The following HOXC13 variants were observed in gnomAD, a reference collection of about 807,000 sequenced individuals.
HOXC13 encodes homeobox protein Hox-C13.
In HOXC13, 10 loss-of-function variants were observed where a neutral mutation model predicts 25.9. That is an observed-to-expected ratio of 0.39 (90% CI 0.24 to 0.65). The LOEUF (loss-of-function observed/expected upper bound fraction) is 0.65. Ranked by LOEUF, HOXC13 falls within the 30% of genes least tolerant of loss-of-function variation. The probability of loss-of-function intolerance (pLI) is 0.50; values close to 1 mark genes in which losing one functional copy is unlikely to be tolerated. For synonymous variants in HOXC13, 233 were observed against 217.1 expected, an observed-to-expected ratio of 1.07 and a Z score of -0.64; for missense variants, 439 against 478.3, an observed-to-expected ratio of 0.92 and a Z score of 0.77.
chr12:53,938,989 TC>T lies in HOXC13; in HGVS notation c.84del (p.Ile28MetfsTer111). 1 of 1,505,412 alleles carries T rather than the reference TC, an allele frequency of 6.6e-7. No individual in the cohort carries two copies. The highest frequency in any genetic ancestry group is 8.8e-7 in the Non-Finnish European group (1 of 1,133,216). 93.3% of individuals were successfully genotyped at this position (1,505,412 alleles called of 1,614,324 possible). A position where few individuals can be genotyped will look rare whatever the true frequency, so the allele number is the denominator to read the frequency against. The part of the protein sequence containing the change: ...VYEDSAAESG[I>X]GGGGGGGGGG... The stretch of plus-strand genomic sequence containing the variant: ...GAGGACAGCGCGGCGGAGAGCGGCA[TC>T]GGCGGCGGCGGCGGAGGAGGAGGCG... On this transcript the variant is annotated frameshift_variant, in exon 1 of 2. Coordinates refer to ENST00000243056, the MANE Select transcript of HOXC13 (RefSeq NM_017410.3). LOFTEE classifies it high-confidence loss of function.
intron 1 of HOXC13, among the ~76,000 whole-genome samples, chr12:53,942,154 C>CTTTTTTTTTTTTTT (rs56678098): frequency 7.6e-5 from 3 of 39,338 alleles, no homozygotes; most frequent in African/African-American, 1.2e-4. Context: ...TGAGTGTAGA[C>CTTTTTTTTTTTTTT]TTTTTTTTTT....
rs1406878109 is a variant in HOXC13 at position 53,938,962 on chromosome 12, A to G, written c.56A>G (p.Tyr19Cys). 2 of 1,546,938 alleles carry G rather than the reference A, an allele frequency of 1.3e-6. No homozygotes were observed. The highest frequency in any genetic ancestry group is 1.7e-6 in the Non-Finnish European group (2 of 1,152,860). Residue 19 changes from tyrosine to cysteine, a missense_variant, in exon 1 of 2, where the codon TAT becomes TGT. Physicochemically the swap from Tyr to Cys is radical, Grantham distance 194. Transcript: ENST00000243056. Reference protein sequence around the residue: ...PRWPESLMYVYEDSAAESGIG... With the variant: ...PRWPESLMYVCEDSAAESGIG... The stretch of plus-strand genomic sequence containing the variant: ...TGGCCGGAGAGCCTTATGTACGTCT[A>G]TGAGGACAGCGCGGCGGAGAGCGGC...
chr12:53,943,113 A>G (rs1429185831), intron 1 of HOXC13, among the ~76,000 whole-genome samples: 6 of 152,236 alleles, frequency 3.9e-5, no homozygotes, highest in African/African-American at 9.6e-5. Context: ...AACTTACTGT[A>G]TCATTTTAAG....
chr12:53,940,758 AC>A (rs2136355874), intron 1 of HOXC13, among the ~76,000 whole-genome samples: 1 of 152,052 alleles, frequency 6.6e-6, no homozygotes, highest in Non-Finnish European at 1.5e-5. Context: ...CCCTTCTGAT[AC>A]CTACAGAGGT....
rs1352023952 is a variant in HOXC13 at position 53,938,966 on chromosome 12, G to A, written c.60G>A (p.Glu20=). Residue 20 remains glutamate (E), a synonymous_variant, in exon 1 of 2, where the codon GAG becomes GAA. Coordinates refer to ENST00000243056, the MANE Select transcript of HOXC13 (RefSeq NM_017410.3). ...RWPESLMYVY[E]DSAAESGIGG... ...CGGAGAGCCTTATGTACGTCTATGA[G>A]GACAGCGCGGCGGAGAGCGGCATCG... The A allele has an allele frequency of 6.5e-7, 1 of 1,537,668 alleles. No individual in the cohort carries two copies. Among genetic ancestry groups the A allele is most frequent in the South Asian group, 1.2e-5 (1 of 84,746 alleles).
At chr12:53,942,204 G>T in intron 1 of HOXC13, among the ~76,000 whole-genome samples, 1 of 122,446 alleles carries the variant, frequency 8.2e-6, no homozygotes, top group Non-Finnish European at 1.6e-5. Context: ...GAGAGAGAGA[G>T]AAGCAGAAAT....
chr12:53,940,554 G>C (rs1294504456), intron 1 of HOXC13, among the ~76,000 whole-genome samples: 1 of 152,168 alleles, frequency 6.6e-6, no homozygotes, highest in Admixed American at 6.5e-5. Context: ...CTCTTGTTCC[G>C]TCTCCAGTTG....
chr12:53,940,341 C>G (rs1938590034), intron 1 of HOXC13, among the ~76,000 whole-genome samples: 4 of 152,140 alleles, frequency 2.6e-5, no homozygotes, highest in Admixed American at 2.6e-4. Context: ...AACCTATAGA[C>G]ATTTCCACTG....
In HOXC13 at chr12:53,945,870, G is replaced by T; in HGVS notation, c.*614G>T. 1 of 233,484 alleles carries T rather than the reference G, an allele frequency of 4.3e-6. No homozygotes were observed. The highest frequency in any genetic ancestry group is 5.5e-5 in the Admixed American group (1 of 18,306). 14.5% of individuals were successfully genotyped at this position (233,484 alleles called of 1,614,324 possible). ...ATGTTTCCGTAAAAGCTGGAATTCC[G>T]TAAAAGCATTGACGCAGCCCCTACA... On this transcript the variant is annotated 3_prime_UTR_variant, in exon 2 of 2. Coordinates refer to ENST00000243056, the MANE Select transcript of HOXC13 (RefSeq NM_017410.3). The surrounding 1 kb of genome is among the most constrained non-coding windows in gnomAD (Gnocchi z 4.4).
chr12:53,945,381 C>A lies in HOXC13; in HGVS notation c.*125C>A. 2.5e-6 allele frequency: 3 copies of A among 1,198,798 alleles called. No individual in the cohort carries two copies. The highest frequency in any genetic ancestry group is 1.2e-6 in the Non-Finnish European group (1 of 854,176). The allele number at this position is 1,198,798 out of a possible 1,614,324, so 74.3% of individuals were successfully genotyped here. A position where few individuals can be genotyped will look rare whatever the true frequency, so the allele number is the denominator to read the frequency against. Reference sequence around the variant, plus strand: ...TTAAGGAAAGAGAAGAACCGCGCCGCCCGGAGGCAGAGAGGCTCCATGGCC... The same window carrying A: ...TTAAGGAAAGAGAAGAACCGCGCCGACCGGAGGCAGAGAGGCTCCATGGCC... On this transcript the variant is annotated 3_prime_UTR_variant, in exon 2 of 2. Coordinates refer to ENST00000243056, the MANE Select transcript of HOXC13 (RefSeq NM_017410.3). The surrounding 1 kb of genome is among the most constrained non-coding windows in gnomAD (Gnocchi z 4.4).
chr12:53,942,555 G>A (rs780762517), intron 1 of HOXC13, among the ~76,000 whole-genome samples: 6 of 152,090 alleles, frequency 3.9e-5, no homozygotes, highest in African/African-American at 9.7e-5. Flanking sequence ...GAAGTCATTC[G>A]TGTATGTGAT....
Position 53,939,159 on chromosome 12 carries a change from C to A in HOXC13, c.253C>A (p.Leu85Met). The stretch of plus-strand genomic sequence containing the variant: ...CGTGCTGGGCCGCCCGCCGGCTCCC[C>A]TGGGCGCCCCTCAGGGCGCCGTCTA... ...HPVLGRPPAP[L>M]GAPQGAVYTD... The change falls in exon 1 of 2, where the codon CTG becomes ATG. Residue 85 changes from leucine to methionine, a missense_variant. Leu to Met is a conservative substitution (Grantham distance 15). Coordinates refer to ENST00000243056, the MANE Select transcript of HOXC13 (RefSeq NM_017410.3). The surrounding 1 kb of genome is among the most constrained non-coding windows in gnomAD (Gnocchi z 6.7). The A allele has an allele frequency of 6.7e-7, 1 of 1,483,344 alleles. No individual in the cohort carries two copies. The allele number at this position is 1,483,344 out of a possible 1,614,324, so 91.9% of individuals were successfully genotyped here.
rs747370796 is a variant in HOXC13, at chr12:53,945,100, C to T, written c.837C>T (p.Tyr279=). The part of the protein sequence containing the change: ...KVQLKELEKE[Y]AASKFITKEK... ...AGCTGAAGGAGCTAGAGAAGGAATA[C>T]GCGGCTAGCAAGTTCATCACCAAAG... Residue 279 remains tyrosine, a synonymous_variant, in exon 2 of 2, where the codon TAC becomes TAT. Coordinates refer to ENST00000243056, the MANE Select transcript of HOXC13 (RefSeq NM_017410.3). This position sits in a 1 kb window ranked among gnomAD's most constrained non-coding sequence, Gnocchi z 4.4. The T allele has an allele frequency of 4.3e-6, 7 of 1,614,154 alleles. No homozygotes were observed. The Admixed American group carries it at 6.7e-5, about 15-fold the overall frequency.
Position 53,939,273 on chromosome 12 carries a change from T to C in HOXC13, c.367T>C (p.Tyr123His), listed in dbSNP as rs936720415. Residue 123 changes from tyrosine to histidine, a missense_variant, in exon 1 of 2, where the codon TAC becomes CAC. Transcript: ENST00000243056. This position sits in a 1 kb window ranked among gnomAD's most constrained non-coding sequence, Gnocchi z 6.7. ...GTCCAGCGCCACCCTGGGCTACGGC[T>C]ACCCCTTCGGGGGCAGCTACTACGG... ...TSSSATLGYG[Y>H]PFGGSYYGCR... The C allele has an allele frequency of 7.0e-6, 11 of 1,562,202 alleles. No individual in the cohort carries two copies. Among genetic ancestry groups the C allele is most frequent in the Non-Finnish European group, 9.5e-6 (11 of 1,154,876 alleles).
In HOXC13 at chr12:53,945,175, A is replaced by G; in HGVS notation, c.912A>G (p.Val304=). ...SATTNLSERQ[V]TIWFQNRRVK... ...CCACGAACCTCTCTGAGCGCCAGGT[A>G]ACCATCTGGTTCCAGAACCGGCGGG... The change falls in exon 2 of 2, where the codon GTA becomes GTG. Residue 304 remains valine, a synonymous_variant. Coordinates refer to ENST00000243056, the MANE Select transcript of HOXC13 (RefSeq NM_017410.3). The surrounding 1 kb of genome is among the most constrained non-coding windows in gnomAD (Gnocchi z 4.4). 6.2e-7 allele frequency: 1 copy of G among 1,614,176 alleles called. No individual in the cohort carries two copies. Among genetic ancestry groups the G allele is most frequent in the Non-Finnish European group, 8.5e-7 (1 of 1,180,034 alleles).
In HOXC13 at chr12:53,945,340, A is replaced by C; in HGVS notation, c.*84A>C. ...CCACGGAAAGACGCTGCGCGGGTGC[A>C]GAAGAGTATTTAATGTTAAGGAAAG... On this transcript the variant is annotated 3_prime_UTR_variant, in exon 2 of 2. Coordinates refer to ENST00000243056, the MANE Select transcript of HOXC13 (RefSeq NM_017410.3). The surrounding 1 kb of genome is among the most constrained non-coding windows in gnomAD (Gnocchi z 4.4). 6.7e-7 allele frequency: 1 copy of C among 1,498,370 alleles called. No individual in the cohort carries two copies. The highest frequency in any genetic ancestry group is 9.2e-7 in the Non-Finnish European group (1 of 1,092,124). 92.8% of individuals were successfully genotyped at this position (1,498,370 alleles called of 1,614,324 possible). A position where few individuals can be genotyped will look rare whatever the true frequency, so the allele number is the denominator to read the frequency against.
chr12:53,944,966 C>G (rs751499718), intron 1 of HOXC13, 34 bp from the exon 2 acceptor site: 1 of 1,610,958 alleles, frequency 6.2e-7, no homozygotes, highest in African/African-American at 1.3e-5. Flanking sequence ...AGCCGCTTGC[C>G]TCACTTCTTC....
intron 1 of HOXC13, among the ~76,000 whole-genome samples, chr12:53,944,188 G>T (rs1307591886): frequency 6.6e-6 from 1 of 152,108 alleles, no homozygotes; most frequent in Admixed American, 6.5e-5. Flanking sequence ...ACTGCAGTGT[G>T]GACCCCCTAC....
At chr12:53,940,667 G>A (rs1327517060) in intron 1 of HOXC13, among the ~76,000 whole-genome samples, 2 of 152,192 alleles carry the variant, frequency 1.3e-5, no homozygotes, top group Non-Finnish European at 2.9e-5. Context: ...GCCTTGTGCT[G>A]AGAAATCAGG....
Sources: gnomAD v4.1 joint callset for allele counts (sites outside exome capture counted in the v4.1 genomes callset) on GRCh38, gnomAD v4.1.1 for gene constraint, Gnocchi (gnomAD v3.1) non-coding constraint, MANE v1.5 for transcripts, NCBI Gene and HGNC (gene_info 2026-07-23, HGNC 2026-07-21) for gene names.